The following KRT9 variants were observed in gnomAD, a reference collection of about 807,000 sequenced individuals.
The protein encoded by KRT9 is keratin 9.
In KRT9, 34 loss-of-function variants were observed where a neutral mutation model predicts 51.4. That is an observed-to-expected ratio of 0.66 (90% CI 0.50 to 0.88). The LOEUF (loss-of-function observed/expected upper bound fraction) is 0.88, where lower values mean the gene tolerates loss of function less well. KRT9 is among the 40% of genes least tolerant of loss of function. KRT9 has a pLI of 0.00. For missense variants in KRT9, 753 were observed against 790.3 expected, an observed-to-expected ratio of 0.95 and a Z score of 0.57; for synonymous variants, 292 against 289.7, an observed-to-expected ratio of 1.01 and a Z score of -0.08.
Position 41,571,455 on chromosome 17 carries a change from C to G in KRT9, c.538G>C (p.Asp180His), listed in dbSNP as rs763464432. 3.1e-6 allele frequency: 5 copies of G among 1,614,008 alleles called. No individual in the cohort carries two copies. The highest frequency in any genetic ancestry group is 4.2e-6 in the Non-Finnish European group (5 of 1,179,982). Reference sequence around the variant, plus strand: ...CAATCCTGGATCTTATTCTCCAGGTCGTTGTTGGCCTCCTCTAGAGCCTGC... The same window carrying G: ...CAATCCTGGATCTTATTCTCCAGGTGGTTGTTGGCCTCCTCTAGAGCCTGC... ...KVQALEEANNDLENKIQDWYD... is the reference protein window; with the variant it reads ...KVQALEEANNHLENKIQDWYD... Residue 180 changes from aspartate (D) to histidine (H), a missense_variant, in exon 1 of 8, where the codon GAC becomes CAC. Physicochemically the swap from Asp to His is moderately conservative, Grantham distance 81. This residue lies in a region of KRT9 where 507 missense variants were observed against 563.7 expected (regional missense o/e 0.90). Transcript: ENST00000246662.
intron 6 of KRT9, among the ~76,000 whole-genome samples, 154 bp downstream of exon 6, chr17:41,568,008 A>C (rs1464548651): frequency 1.3e-5 from 2 of 151,908 alleles, no homozygotes; most frequent in South Asian, 2.1e-4. Context: ...GCCCAAATGC[A>C]CTGAGGTCCC....
Position 41,568,318 on chromosome 17 carries a change from TG to T in KRT9, c.1237del (p.Gln413ArgfsTer?), listed in dbSNP as rs1906948173. 1 of 1,614,228 alleles carries T rather than the reference TG, an allele frequency of 6.2e-7. No individual in the cohort carries two copies. The highest frequency in any genetic ancestry group is 1.7e-5 in the Admixed American group (1 of 60,036). On this transcript the variant is annotated frameshift_variant, in exon 6 of 8. Transcript: ENST00000246662. LOFTEE classifies it high-confidence loss of function. ...GGCCTCCAAGTTACTGATCTGCTCC[TG>T]GATCATCTGCAGCTGGCCACAGTAG... ...NRYCGQLQMI[Q>X]EQISNLEAQI...
Position 41,569,935 on chromosome 17 carries a change from A to G in KRT9, c.806T>C (p.Met269Thr). ...GLRQVLDNLT[M>T]EKSDLEMQYE... The stretch of plus-strand genomic sequence containing the variant: ...CTGCATCTCCAGGTCAGACTTCTCC[A>G]TGGTCAGATTGTCCAGCACCTGCCG... The change falls in exon 3 of 8, where the codon ATG (methionine) becomes ACG (threonine). Residue 269 changes from methionine (M) to threonine (T), a missense_variant. Met to Thr is a moderately conservative substitution (Grantham distance 81, BLOSUM62 -1). Around this residue, in one of 3 missense-constraint regions of KRT9, gnomAD observed 507 missense variants for 563.7 expected, o/e 0.90. Coordinates refer to ENST00000246662, the MANE Select transcript of KRT9 (RefSeq NM_000226.4). 6.2e-7 allele frequency: 1 copy of G among 1,614,172 alleles called. No individual in the cohort carries two copies. The highest frequency in any genetic ancestry group is 8.5e-7 in the Non-Finnish European group (1 of 1,180,032).
rs945694059 is a variant in KRT9, at chr17:41,571,706, C to A, written c.287G>T (p.Gly96Val). Residue 96 changes from glycine (G) to valine (V), a missense_variant, in exon 1 of 8, where the codon GGT becomes GTT. Gly to Val is a moderately radical substitution (Grantham distance 109, BLOSUM62 -3). Coordinates refer to ENST00000246662, the MANE Select transcript of KRT9 (RefSeq NM_000226.4). ...LGGGFGGGSR[G>V]FGGASGGGYS... ...GCCTCCTCCAGAAGCACCACCAAAA[C>A]CTCTGGAACCACCCCCAAAGCCACC... 6.2e-7 allele frequency: 1 copy of A among 1,610,050 alleles called. No homozygotes were observed. Among genetic ancestry groups the A allele is most frequent in the Non-Finnish European group, 8.5e-7 (1 of 1,178,208 alleles).
rs1597794493 is a variant in KRT9, at chr17:41,571,370, A to G, written c.623T>C (p.Ile208Thr). 1.2e-6 allele frequency: 2 copies of G among 1,614,046 alleles called. No individual in the cohort carries two copies. The highest frequency in any genetic ancestry group is 1.3e-5 in the African/African-American group (1 of 75,000). ...QKNYSPYYNTIDDLKDQIVDL... is the reference protein window; with the variant it reads ...QKNYSPYYNTTDDLKDQIVDL... Reference sequence around the variant, plus strand: ...ACCTACCTGGTCCTTGAGATCATCAATAGTGTTATAATAAGGGGAGTAGTT... The same window carrying G: ...ACCTACCTGGTCCTTGAGATCATCAGTAGTGTTATAATAAGGGGAGTAGTT... Residue 208 changes from isoleucine (I) to threonine (T), a missense_variant, in exon 1 of 8, where the codon ATT becomes ACT. Ile to Thr is a moderately conservative substitution (Grantham distance 89). Coordinates refer to ENST00000246662, the MANE Select transcript of KRT9 (RefSeq NM_000226.4).
intron 4 of KRT9, 129 bp from the exon 5 acceptor site, chr17:41,568,762 G>A: frequency 8.1e-7 from 1 of 1,228,740 alleles, no homozygotes; most frequent in Non-Finnish European, 1.2e-6. Flanking sequence ...AAGTCATTCT[G>A]AGTTCTGGGT....
In KRT9 at chr17:41,568,335, G is replaced by A. The variant is rs764454530; in HGVS notation, c.1221C>T (p.Gly407=). 4 of 1,614,070 alleles carry A rather than the reference G, an allele frequency of 2.5e-6. No homozygotes were observed. The highest frequency in any genetic ancestry group is 2.2e-5 in the East Asian group (1 of 44,902). ...TCTGCTCCTGGATCATCTGCAGCTG[G>A]CCACAGTAGCGGTTCTTCGTGTCTT... ...SLEDTKNRYC[G]QLQMIQEQIS... is the part of the protein sequence containing the mutation. Residue 407 remains glycine (G), a synonymous_variant, in exon 6 of 8, where the codon GGC becomes GGT. Coordinates refer to ENST00000246662, the MANE Select transcript of KRT9 (RefSeq NM_000226.4).
chr17:41,571,408 A>G lies in KRT9; in HGVS notation c.585T>C (p.Ala195=), dbSNP rs775756154. The change falls in exon 1 of 8, where the codon GCT becomes GCC. Residue 195 remains alanine, a synonymous_variant. Transcript: ENST00000246662. Reference sequence around the variant, plus strand: ...AAGGGGAGTAGTTCTTCTGGATAGCAGCAGGTCCCTTCTTGTCGTACCAAT... The same window carrying G: ...AAGGGGAGTAGTTCTTCTGGATAGCGGCAGGTCCCTTCTTGTCGTACCAAT... ...IQDWYDKKGP[A]AIQKNYSPYY... 6.2e-7 allele frequency: 1 copy of G among 1,614,122 alleles called. No individual in the cohort carries two copies. Among genetic ancestry groups the G allele is most frequent in the Non-Finnish European group, 8.5e-7 (1 of 1,180,026 alleles).
At position 41,567,232 on chromosome 17, in the gene KRT9, C is replaced by T. The variant is rs200243456; in HGVS notation, c.*40+1G>A. 8.1e-6 allele frequency: 13 copies of T among 1,613,828 alleles called. No homozygotes were observed. The highest frequency in any genetic ancestry group is 1.1e-5 in the Non-Finnish European group (13 of 1,179,960). ...CCCCACAACCTAGGATTGTCCCTTA[C>T]CTTTTGTCTCATCTTGGTCACCAGA... On this transcript the variant is annotated splice_donor_variant, in intron 7 of 7. Transcript: ENST00000246662. LOFTEE classifies it low-confidence loss of function (3UTR_SPLICE).
At chr17:41,567,984 C>T (rs1449537249) in intron 6 of KRT9, among the ~76,000 whole-genome samples, 178 bp downstream of exon 6, 1 of 152,144 alleles carries the variant, frequency 6.6e-6, no homozygotes, top group Non-Finnish European at 1.5e-5. Flanking sequence ...GTGTCACCAT[C>T]CTCCTTTCCC....
rs1421476645 is a variant in KRT9 at position 41,571,838 on chromosome 17, C to T, written c.155G>A (p.Gly52Asp). ...GGGGRFSSSS[G>D]YGGGSSRVCG... ...GACACGAGAGCTTCCCCCACCATAG[C>T]CACTAGAAGAGCTGAATCGGCCCCC... Residue 52 changes from glycine to aspartate, a missense_variant, in exon 1 of 8, where the codon GGC becomes GAC. Gly to Asp is a moderately conservative substitution (Grantham distance 94). Coordinates refer to ENST00000246662, the MANE Select transcript of KRT9 (RefSeq NM_000226.4). 2 of 1,613,076 alleles carry T rather than the reference C, an allele frequency of 1.2e-6. No individual in the cohort carries two copies. The highest frequency in any genetic ancestry group is 2.2e-5 in the East Asian group (1 of 44,840).
At chr17:41,570,302 G>A (rs1719394055) in intron 1 of KRT9, 82 bp from the exon 2 acceptor site, 2 of 1,141,012 alleles carry the variant, frequency 1.8e-6, no homozygotes, top group East Asian at 2.3e-5. Context: ...GCCACAGGAG[G>A]TGAGGATTCC....
chr17:41,567,468 T>C lies in KRT9; in HGVS notation c.1677A>G (p.Gly559=). ...GHSGGSGGNY[G]GGSGSGGGSG... ...TTCCTCCTCCAGAGCCACTTCCTCC[T>C]CCATAGTTGCCCCCACTTCCTCCAC... Residue 559 remains glycine, a synonymous_variant, in exon 7 of 8, where the codon GGA becomes GGG. Transcript: ENST00000246662. The C allele has an allele frequency of 6.6e-7, 1 of 1,518,688 alleles. No individual in the cohort carries two copies. The highest frequency in any genetic ancestry group is 8.8e-7 in the Non-Finnish European group (1 of 1,135,798). The allele number at this position is 1,518,688 out of a possible 1,614,324, so 94.1% of individuals were successfully genotyped here.
At position 41,569,997 on chromosome 17, in the gene KRT9, G is replaced by A. The variant is rs374084481; in HGVS notation, c.744C>T (p.Asn248=). Reference sequence around the variant, plus strand: ...TGTCAGCATCCACTCCTTGCCGCAGGTTTTGCTCCATCTCAAACCTGCAGA... The same window carrying A: ...TGTCAGCATCCACTCCTTGCCGCAGATTTTGCTCCATCTCAAACCTGCAGA... ...DFRIKFEMEQ[N]LRQGVDADIN... Residue 248 remains asparagine, a synonymous_variant, in exon 3 of 8, where the codon AAC becomes AAT. Transcript: ENST00000246662. The A allele has an allele frequency of 1.8e-4, 284 of 1,614,032 alleles. No individual in the cohort carries two copies. Among genetic ancestry groups the A allele is most frequent in the Non-Finnish European group, 2.3e-4 (268 of 1,180,048 alleles).
rs1906937613 is a variant in KRT9, at chr17:41,568,065, A to G, written c.1394+97T>C. On this transcript the variant is annotated intron_variant, in intron 6 of 7. Transcript: ENST00000246662. The stretch of plus-strand genomic sequence containing the variant: ...GTCCTCAACCCATAAGACCCTGTGT[A>G]TAAGAACTTCCCCCAGCTGCCTCTA... 7.0e-6 allele frequency: 8 copies of G among 1,150,566 alleles called. No individual in the cohort carries two copies. The East Asian group carries it at 1.7e-4, about 25-fold the overall frequency. The allele number at this position is 1,150,566 out of a possible 1,614,324, so 71.3% of individuals were successfully genotyped here. A position where few individuals can be genotyped will look rare whatever the true frequency, so the allele number is the denominator to read the frequency against.
chr17:41,566,289 G>T (rs1188075502), intron 7 of KRT9, 137 bp from the exon 8 acceptor site: 2 of 152,962 alleles, frequency 1.3e-5, no homozygotes, highest in Non-Finnish European at 2.9e-5. Context: ...TCCTGAGGTA[G>T]AAGGACCCTG....
At chr17:41,567,173 C>CAAA (rs11313278) in intron 7 of KRT9, 60 bp downstream of exon 7, 14 of 1,436,188 alleles carry the variant, frequency 9.7e-6, no homozygotes, top group South Asian at 2.6e-5. Context: ...CAAAAATACT[C>CAAA]AAAAAAAAAA....
chr17:41,568,518 T>C lies in KRT9; in HGVS notation c.1160A>G (p.Gln387Arg), dbSNP rs754550123. 2 of 1,614,186 alleles carry C rather than the reference T, an allele frequency of 1.2e-6. No individual in the cohort carries two copies. Among genetic ancestry groups the C allele is most frequent in the Non-Finnish European group, 1.7e-6 (2 of 1,180,030 alleles). The change falls in exon 5 of 8, where the codon CAG becomes CGG. Residue 387 changes from glutamine to arginine, a missense_variant. Transcript: ENST00000246662. ...VQELEIELQS[Q>R]LSKKAALEKS... ...AGCAGAACTACCAACCTTGCTGAGC[T>C]GAGACTGCAGCTCAATCTCCAACTC...
At chr17:41,567,154 C>A in intron 7 of KRT9, 79 bp downstream of exon 7, 1 of 1,579,472 alleles carries the variant, frequency 6.3e-7, no homozygotes, top group East Asian at 2.3e-5. Flanking sequence ...TCTGTGTTCC[C>A]CAGAGATTCA....
Sources: gnomAD v4.1 joint callset for allele counts (sites outside exome capture counted in the v4.1 genomes callset) on GRCh38, gnomAD v4.1.1 for gene constraint, gnomAD v4.1.1 regional missense constraint, MANE v1.5 for transcripts, NCBI Gene and HGNC (gene_info 2026-07-23, HGNC 2026-07-21) for gene names.